KIF13B: variants seen among roughly 807,000 people sequenced by gnomAD.
KIF13B encodes kinesin-like protein KIF13B.
Under a neutral mutation model 222.0 loss-of-function variants are expected in KIF13B, and 127 were observed. That is an observed-to-expected ratio of 0.57 (90% CI 0.50 to 0.66). The LOEUF is 0.66. Ranked by LOEUF, KIF13B falls within the 30% of genes least tolerant of loss-of-function variation. KIF13B has a pLI of 0.00. For missense variants in KIF13B, 2,173 were observed against 2,379.0 expected (o/e 0.91, Z 1.80); for synonymous variants, 976 against 919.0 (o/e 1.06, Z -1.12).
Position 29,204,978 on chromosome 8 carries a change from C to A in KIF13B, c.150-8779G>T, listed in dbSNP as rs1813864517. 2.0e-5 allele frequency among the ~76,000 whole-genome samples: 3 copies of A among 152,290 alleles called. No homozygotes were observed. In the South Asian group the frequency reaches 6.2e-4, roughly 32 times the overall value. On this transcript the variant is annotated intron_variant, in intron 2 of 39. Transcript: ENST00000524189. ...ATGAAATTAACTAATTTCCCCCCAG[C>A]CCTTCACCTTTTCTACACCTATATC...
At chr8:29,098,470 G>T (rs900875662) in intron 36 of KIF13B, among the ~76,000 whole-genome samples, 2 of 151,712 alleles carry the variant, frequency 1.3e-5, no homozygotes, top group Non-Finnish European at 2.9e-5. Flanking sequence ...AGGCGTGGTG[G>T]TGGGCGCCTG....
At chr8:29,129,605 A>G (rs1423509942) in intron 24 of KIF13B, among the ~76,000 whole-genome samples, 1 of 152,166 alleles carries the variant, frequency 6.6e-6, no homozygotes, top group South Asian at 2.1e-4. Flanking sequence ...ATGGAAACTC[A>G]TAGAATATGG....
intron 17 of KIF13B, 51 bp from the exon 18 acceptor site, chr8:29,146,591 C>T: frequency 6.6e-7 from 1 of 1,519,718 alleles, no homozygotes; most frequent in South Asian, 1.2e-5. Context: ...TAACACAAAG[C>T]AGCTAGTCAG....
chr8:29,070,197 C>G lies in KIF13B; in HGVS notation c.*307G>C. 2.2e-6 allele frequency: 1 copy of G among 452,144 alleles called. No individual in the cohort carries two copies. Among genetic ancestry groups the G allele is most frequent in the Non-Finnish European group, 3.9e-6 (1 of 253,934 alleles). The allele number at this position is 452,144 out of a possible 1,614,324, so 28.0% of individuals were successfully genotyped here. A position where few individuals can be genotyped will look rare whatever the true frequency, so the allele number is the denominator to read the frequency against. ...AGCAACATAAGGCCCCAGGCACAGG[C>G]ACACAGCAAGATCACCAGGCGCTGC... On this transcript the variant is annotated 3_prime_UTR_variant, in exon 40 of 40. Transcript: ENST00000524189. The surrounding 1 kb of genome is among the most constrained non-coding windows in gnomAD (Gnocchi z 4.1).
intron 11 of KIF13B, among the ~76,000 whole-genome samples, chr8:29,166,704 CAA>C (rs67653605): frequency 4.7e-5 from 6 of 128,118 alleles, no homozygotes; most frequent in Admixed American, 8.1e-5. Context: ...AACTCCACCT[CAA>C]AAAAAAAAAA....
intron 8 of KIF13B, among the ~76,000 whole-genome samples, chr8:29,178,558 T>C (rs1313076200): frequency 6.6e-6 from 1 of 151,896 alleles, no homozygotes; most frequent in Admixed American, 6.6e-5. Context: ...GAATCATTTT[T>C]AAAGCTTTCC....
intron 21 of KIF13B, among the ~76,000 whole-genome samples, chr8:29,139,847 G>A (rs973264162): frequency 6.6e-6 from 1 of 152,182 alleles, no homozygotes; most frequent in African/African-American, 2.4e-5. Context: ...TTTGGAAATG[G>A]AGGAGGCGAT....
At position 29,234,281 on chromosome 8, in the gene KIF13B, G is replaced by A. The variant is rs149078102; in HGVS notation, c.149+11065C>T. On this transcript the variant is annotated intron_variant, in intron 2 of 39. Transcript: ENST00000524189. ...GAAGCAACCCAAGTGTCCGTCGGCCGATGAATGGATGGGCAAAATGTGGTT... is the reference window on the plus strand; with the variant it reads ...GAAGCAACCCAAGTGTCCGTCGGCCAATGAATGGATGGGCAAAATGTGGTT... Among the ~76,000 whole-genome samples, 606 of 152,128 alleles carry A rather than the reference G, an allele frequency of 4.0e-3. 2 individuals carry two copies. Among genetic ancestry groups the A allele is most frequent in the African/African-American group, 0.014 (569 of 41,442 alleles).
intron 2 of KIF13B, among the ~76,000 whole-genome samples, chr8:29,206,628 C>A (rs143674056): frequency 2.0e-5 from 3 of 152,098 alleles, no homozygotes; most frequent in Non-Finnish European, 4.4e-5. Flanking sequence ...TCCCTTTTTC[C>A]TTCTGATAGT....
chr8:29,140,425 A>C, intron 20 of KIF13B, 43 bp downstream of exon 20: 1 of 1,583,430 alleles, frequency 6.3e-7, no homozygotes, highest in East Asian at 2.2e-5. Context: ...CTTGTTTCTT[A>C]AACTATTCTC....
intron 5 of KIF13B, among the ~76,000 whole-genome samples, chr8:29,187,658 C>CT (rs1164466116): frequency 6.6e-6 from 1 of 152,188 alleles, no homozygotes; most frequent in Non-Finnish European, 1.5e-5. Context: ...ACTACTGACA[C>CT]TTAAGTATAA....
intron 1 of KIF13B, among the ~76,000 whole-genome samples, chr8:29,248,289 G>A (rs988566451): frequency 1.3e-5 from 2 of 152,160 alleles, no homozygotes; most frequent in Non-Finnish European, 2.9e-5. Context: ...CAACCCAAAT[G>A]TCCATCAACT....
chr8:29,172,379 G>T (rs1023290841), intron 10 of KIF13B, among the ~76,000 whole-genome samples: 2 of 152,158 alleles, frequency 1.3e-5, no homozygotes, highest in African/African-American at 2.4e-5. Context: ...ACCATGCCCA[G>T]CCAATCACAT....
Position 29,127,207 on chromosome 8 carries a change from A to C in KIF13B, c.3137T>G (p.Leu1046Arg). The change falls in exon 25 of 40, where the codon CTG (leucine) becomes CGG (arginine). Residue 1046 changes from leucine (L) to arginine (R), a missense_variant. Coordinates refer to ENST00000524189, the MANE Select transcript of KIF13B (RefSeq NM_015254.4). Reference protein sequence around the residue: ...KSVQESGTLPLMEECILSVGI... With the variant: ...KSVQESGTLPRMEECILSVGI... ...AACAGACAGTATACATTCTTCCATCAGTGGTAAAGTCCCAGATTCCTGCAC... is the reference window on the plus strand; with the variant it reads ...AACAGACAGTATACATTCTTCCATCCGTGGTAAAGTCCCAGATTCCTGCAC... The C allele has an allele frequency of 6.2e-7, 1 of 1,613,964 alleles. No homozygotes were observed.
At position 29,191,063 on chromosome 8, in the gene KIF13B, G is replaced by A; in HGVS notation, c.163-6C>T. On this transcript the variant is annotated splice_polypyrimidine_tract_variant and splice_region_variant and intron_variant, in intron 3 of 39. Transcript: ENST00000524189. ...CAATGATCATAAGCAAACACCTGTT[G>A]AAAATGAACATAAGTGTGTGTTAAG... 6.2e-7 allele frequency: 1 copy of A among 1,603,452 alleles called. No individual in the cohort carries two copies. Among genetic ancestry groups the A allele is most frequent in the Non-Finnish European group, 8.5e-7 (1 of 1,173,686 alleles).
intron 7 of KIF13B, 56 bp downstream of exon 7, chr8:29,181,863 A>G (rs980203808): frequency 1.7e-6 from 2 of 1,185,218 alleles, no homozygotes; most frequent in Non-Finnish European, 2.4e-6. Flanking sequence ...CAAGAAAAAA[A>G]AGAGCCCCAC....
At chr8:29,247,678 T>A (rs1272800825) in intron 1 of KIF13B, among the ~76,000 whole-genome samples, 3 of 150,638 alleles carry the variant, frequency 2.0e-5, no homozygotes, top group Non-Finnish European at 4.4e-5. Flanking sequence ...AAAAAAAGTT[T>A]TTAAAAATAG....
In KIF13B at chr8:29,223,816, C is replaced by T. The variant is rs892650345; in HGVS notation, c.149+21530G>A. Among the ~76,000 whole-genome samples the T allele has an allele frequency of 9.9e-5, 15 of 152,226 alleles. No homozygotes were observed. The South Asian group carries it at 1.5e-3, about 15-fold the overall frequency. Reference sequence around the variant, plus strand: ...AAGTGATTCTCCTGCCTCAGCCTTCCGAGTAGCTGGGACTACAGGCACCTG... The same window carrying T: ...AAGTGATTCTCCTGCCTCAGCCTTCTGAGTAGCTGGGACTACAGGCACCTG... On this transcript the variant is annotated intron_variant, in intron 2 of 39. Coordinates refer to ENST00000524189, the MANE Select transcript of KIF13B (RefSeq NM_015254.4).
At chr8:29,241,989 C>T (rs1235710384) in intron 2 of KIF13B, among the ~76,000 whole-genome samples, 3 of 152,160 alleles carry the variant, frequency 2.0e-5, no homozygotes, top group African/African-American at 4.8e-5. Flanking sequence ...TCCAAACTCA[C>T]CTATGCCTCA....
Sources: allele counts gnomAD v4.1 joint callset (sites outside exome capture counted in the v4.1 genomes callset), GRCh38; gene constraint gnomAD v4.1.1; non-coding constraint Gnocchi (gnomAD v3.1); transcripts MANE v1.5; gene names NCBI Gene and HGNC (gene_info 2026-07-23, HGNC 2026-07-21).